Variants in IDUA observed in about 807,000 individuals in gnomAD.
The protein encoded by IDUA is iduronidase alpha-L-.
Under a neutral mutation model 68.9 loss-of-function variants are expected in IDUA, and 65 were observed. The ratio of observed to expected loss-of-function variants is 0.94; its 90% CI spans 0.77 to 1.16. IDUA has a LOEUF of 1.16. IDUA is among the 50% of genes most tolerant of loss of function. The pLI, the probability that IDUA is intolerant of heterozygous loss-of-function variation, is 0.00. For synonymous variants in IDUA, 529 were observed against 433.6 expected (o/e 1.22, Z -2.73); for missense variants, 1,046 against 938.0 (o/e 1.12, Z -1.50).
chr4:1,002,584 C>A (rs1715162645), intron 8 of IDUA, 99 bp downstream of exon 8: 1 of 1,246,240 alleles, frequency 8.0e-7, no homozygotes, highest in African/African-American at 1.6e-5. Context: ...CCTCCAGCCG[C>A]GCGCTTCCCG....
At position 1,004,216 on chromosome 4, in the gene IDUA, G is replaced by A; in HGVS notation, c.1829-44G>A. ...AAGCCTGGGGTCAGGGGGCTTTCGG[G>A]TGGGGGCAGGTTCCGGTTGGCACAC... On this transcript the variant is annotated intron_variant, in intron 13 of 13. Coordinates refer to ENST00000514224, the MANE Select transcript of IDUA (RefSeq NM_000203.5). The surrounding 1 kb of genome is among the most constrained non-coding windows in gnomAD (Gnocchi z 5.0). The A allele has an allele frequency of 6.2e-7, 1 of 1,610,166 alleles. No individual in the cohort carries two copies. Among genetic ancestry groups the A allele is most frequent in the South Asian group, 1.1e-5 (1 of 91,078 alleles).
intron 5 of IDUA, 49 bp from the exon 6 acceptor site, chr4:1,001,630 A>T (rs1405957022): frequency 6.2e-7 from 1 of 1,608,042 alleles, no homozygotes; most frequent in African/African-American, 1.3e-5. Flanking sequence ...GCAGAGGCTA[A>T]GCCGCTCATC....
At chr4:1,003,316 G>C in intron 10 of IDUA, 29 bp from the exon 11 acceptor site, 1 of 1,427,564 alleles carries the variant, frequency 7.0e-7, no homozygotes, top group Non-Finnish European at 9.1e-7. Context: ...CTCCCCTGGA[G>C]AACCCTGAGG....
intron 2 of IDUA, 70 bp downstream of exon 2, chr4:988,019 G>A: frequency 6.6e-7 from 1 of 1,505,152 alleles, no homozygotes. Flanking sequence ...GGAGGGCTGG[G>A]GGCTGCTCGG....
At chr4:987,648 C>T in intron 1 of IDUA, 161 bp from the exon 2 acceptor site, 1 of 1,455,374 alleles carries the variant, frequency 6.9e-7, no homozygotes, top group East Asian at 2.5e-5. Context: ...AAGATGGGAC[C>T]TCCCCACATT....
At chr4:1,003,968 G>A (rs750271541) in intron 12 of IDUA, 44 bp from the exon 13 acceptor site, 6 of 1,500,324 alleles carry the variant, frequency 4.0e-6, no homozygotes, top group Non-Finnish European at 5.6e-6. Context: ...CCACCTTTGA[G>A]GACTGTCTTG....
intron 2 of IDUA, 83 bp from the exon 3 acceptor site, chr4:1,000,529 T>G: frequency 9.2e-7 from 1 of 1,086,172 alleles, no homozygotes; most frequent in Non-Finnish European, 1.4e-6. Flanking sequence ...GGCTCCCACA[T>G]GCTCCGTTGT....
chr4:1,001,376 C>T, intron 4 of IDUA, 92 bp from the exon 5 acceptor site: 3 of 1,055,530 alleles, frequency 2.8e-6, no homozygotes, highest in Non-Finnish European at 3.0e-6. Flanking sequence ...CATCTTGAGT[C>T]AGACGCCCTT....
chr4:992,040 G>A (rs1322808533), intron 2 of IDUA: 1 of 589,946 alleles, frequency 1.7e-6, no homozygotes, highest in Non-Finnish European at 3.2e-6. Context: ...CTCAGCTCCG[G>A]CCTATTGGCT....
In IDUA at chr4:1,001,697, A is replaced by G. The variant is rs2153021978; in HGVS notation, c.608A>G (p.Asp203Gly). 1.2e-6 allele frequency: 2 copies of G among 1,600,592 alleles called. No homozygotes were observed. Among genetic ancestry groups the G allele is most frequent in the Non-Finnish European group, 1.7e-6 (2 of 1,179,004 alleles). The stretch of plus-strand genomic sequence containing the variant: ...GGCCCAGGCTTCCTGAACTACTACG[A>G]TGCCTGCTCGGAGGGTCTGCGCGCC... Reference protein sequence around the residue: ...MTMQGFLNYYDACSEGLRAAS... With the variant: ...MTMQGFLNYYGACSEGLRAAS... Residue 203 changes from aspartate (D) to glycine (G), a missense_variant, in exon 6 of 14, where the codon GAT (aspartate) becomes GGT (glycine). Physicochemically the swap from Asp to Gly is moderately conservative, Grantham distance 94. Coordinates refer to ENST00000514224, the MANE Select transcript of IDUA (RefSeq NM_000203.5).
In IDUA at chr4:987,064, AGTCCCCGAGCACGCGTGGCCATGC is replaced by A. The variant is rs766603377; in HGVS notation, c.-14_10del. ...CCGGCAGTGCAGCCCGAAGCCCCGC[AGTCCCCGAGCACGCGTGGCCATGC>A]GTCCCCTGCGCCCCCGCGCCGCGCT... is the stretch of plus-strand genomic sequence containing the variant. On this transcript the variant is annotated start_lost and 5_prime_UTR_variant, in exon 1 of 14. Coordinates refer to ENST00000514224, the MANE Select transcript of IDUA (RefSeq NM_000203.5). The A allele has an allele frequency of 1.3e-6, 2 of 1,505,462 alleles. No homozygotes were observed. The highest frequency in any genetic ancestry group is 1.8e-6 in the Non-Finnish European group (2 of 1,135,076). The allele number at this position is 1,505,462 out of a possible 1,614,324, so 93.3% of individuals were successfully genotyped here. A position where few individuals can be genotyped will look rare whatever the true frequency, so the allele number is the denominator to read the frequency against.
rs544597029 is a variant in IDUA at position 990,842 on chromosome 4, C to T, written c.299+2893C>T. 3.5e-3 allele frequency: 1,671 copies of T among 474,712 alleles called. 7 individuals carry two copies. Among genetic ancestry groups the T allele is most frequent in the Non-Finnish European group, 5.0e-3 (1,346 of 267,930 alleles). The allele number at this position is 474,712 out of a possible 1,614,324, so 29.4% of individuals were successfully genotyped here. Reference sequence around the variant, plus strand: ...CCTGGGAGGCCACATGGCCTCAGTCCAGCACCACTGAGCCACAGCCACACC... The same window carrying T: ...CCTGGGAGGCCACATGGCCTCAGTCTAGCACCACTGAGCCACAGCCACACC... On this transcript the variant is annotated intron_variant, in intron 2 of 13. Transcript: ENST00000514224.
chr4:1,002,508 G>A, intron 8 of IDUA, 23 bp downstream of exon 8: 1 of 1,481,038 alleles, frequency 6.8e-7, no homozygotes, highest in Non-Finnish European at 8.9e-7. Flanking sequence ...CGCTGGGGTG[G>A]GCCGGCCAGG....
intron 6 of IDUA, 46 bp from the exon 7 acceptor site, chr4:1,001,936 C>G: frequency 6.4e-7 from 1 of 1,569,752 alleles, no homozygotes; most frequent in South Asian, 1.2e-5. Context: ...CCGCTGTGCC[C>G]CGGGCCGCGC....
At position 989,591 on chromosome 4, in the gene IDUA, G is replaced by T. The variant is rs1348525671; in HGVS notation, c.299+1642G>T. 3.7e-6 allele frequency: 6 copies of T among 1,600,304 alleles called. No individual in the cohort carries two copies. The South Asian group carries it at 6.7e-5, about 18-fold the overall frequency. On this transcript the variant is annotated intron_variant, in intron 2 of 13. Transcript: ENST00000514224. ...CACACCTTGCGCAGGGCCCCCCGCA[G>T]GCTGACCACGATGACGCAGGCCAGC...
chr4:991,653 G>C, intron 2 of IDUA: 1 of 1,549,144 alleles, frequency 6.5e-7, no homozygotes. Flanking sequence ...GCTGCCGTCG[G>C]ACCGGCACCG....
rs553703814 is a variant in IDUA at position 995,509 on chromosome 4, G to C, written c.300-5103G>C. Among the ~76,000 whole-genome samples the C allele has an allele frequency of 4.5e-4, 69 of 152,360 alleles. 1 individual carries two copies. Among genetic ancestry groups the C allele is most frequent in the African/African-American group, 1.5e-3 (63 of 41,594 alleles). ...CTCCCATCCCAAGGGAGGCCAGGAG[G>C]CTGCGGTGGGTCCCTCGGGTGGGGC... On this transcript the variant is annotated intron_variant, in intron 2 of 13. Transcript: ENST00000514224.
intron 2 of IDUA, chr4:991,216 T>C (rs757162300): frequency 6.2e-7 from 1 of 1,609,376 alleles, no homozygotes; most frequent in Non-Finnish European, 8.5e-7. Context: ...AGCCGAGCCG[T>C]TGAGGGTGCT....
In IDUA at chr4:987,058, C is replaced by A. The variant is rs774596398; in HGVS notation, c.-27C>A. 1 of 1,511,990 alleles carries A rather than the reference C, an allele frequency of 6.6e-7. No individual in the cohort carries two copies. Among genetic ancestry groups the A allele is most frequent in the South Asian group, 1.2e-5 (1 of 82,086 alleles). The allele number at this position is 1,511,990 out of a possible 1,614,324, so 93.7% of individuals were successfully genotyped here. ...GCGGAACCGGCAGTGCAGCCCGAAG[C>A]CCCGCAGTCCCCGAGCACGCGTGGC... On this transcript the variant is annotated 5_prime_UTR_variant, in exon 1 of 14. Coordinates refer to ENST00000514224, the MANE Select transcript of IDUA (RefSeq NM_000203.5).
Sources: gnomAD v4.1 joint callset for allele counts (sites outside exome capture counted in the v4.1 genomes callset) on GRCh38, gnomAD v4.1.1 for gene constraint, Gnocchi (gnomAD v3.1) non-coding constraint, MANE v1.5 for transcripts, NCBI Gene and HGNC (gene_info 2026-07-23, HGNC 2026-07-21) for gene names.